ADAMTS6: variants seen among roughly 807,000 people sequenced by gnomAD.
ADAMTS6 encodes the protein A disintegrin and metalloproteinase with thrombospondin motifs 6.
A neutral mutation model predicts 144.3 loss-of-function variants in ADAMTS6; 23 were observed. That is an observed-to-expected ratio of 0.16 (90% confidence interval 0.11 to 0.23). The LOEUF is 0.23. Among genes scored for constraint, ADAMTS6 ranks in the 10% least tolerant of loss-of-function variants. ADAMTS6 has a pLI of 1.00. For synonymous variants in ADAMTS6, 444 were observed against 457.5 expected (o/e 0.97, Z 0.38); for missense variants, 999 against 1,379.6 (o/e 0.72, Z 4.37).
chr5:65,452,193 G>A lies in ADAMTS6; in HGVS notation c.867C>T (p.Ser289=). The change falls in exon 6 of 25, where the codon TCC becomes TCT. Residue 289 remains serine, a synonymous_variant. Coordinates refer to ENST00000381055, the MANE Select transcript of ADAMTS6 (RefSeq NM_197941.4). ...TAATATTCACAACGTTTCCTAGGCT[G>A]GAATCACGGTAAAGTTTGGCAACCT... ...MNIVAKLYRD[S]SLGNVVNIIV... 1 of 1,612,662 alleles carries A rather than the reference G, an allele frequency of 6.2e-7. No individual in the cohort carries two copies. Among genetic ancestry groups the A allele is most frequent in the Non-Finnish European group, 8.5e-7 (1 of 1,179,208 alleles).
intron 14 of ADAMTS6, among the ~76,000 whole-genome samples, chr5:65,256,745 C>T (rs191428030): frequency 5.9e-5 from 9 of 152,120 alleles, no homozygotes; most frequent in East Asian, 5.8e-4. Flanking sequence ...TCTAAATGTA[C>T]GCCCAACCCT....
intron 20 of ADAMTS6, among the ~76,000 whole-genome samples, chr5:65,202,114 C>T (rs955610626): frequency 5.9e-5 from 9 of 152,298 alleles, no homozygotes; most frequent in Non-Finnish European, 1.3e-4. Flanking sequence ...CAATCAACTC[C>T]ACTCATATGG....
At position 65,409,873 on chromosome 5, in the gene ADAMTS6, A is replaced by G. The variant is rs1030825303; in HGVS notation, c.1073+41602T>C. On this transcript the variant is annotated intron_variant, in intron 7 of 24. Transcript: ENST00000381055. The stretch of plus-strand genomic sequence containing the variant: ...CAAATCAATAAACGTAATCCATCAT[A>G]TAAACAGAACCAAAGACAAAAACTA... Among the ~76,000 whole-genome samples the G allele has an allele frequency of 2.6e-5, 4 of 152,370 alleles. No individual in the cohort carries two copies. The South Asian group carries it at 6.2e-4, about 24-fold the overall frequency.
chr5:65,372,799 T>G lies in ADAMTS6; in HGVS notation c.1074-38714A>C, dbSNP rs1393714298. 9.2e-5 allele frequency among the ~76,000 whole-genome samples: 14 copies of G among 152,316 alleles called. No individual in the cohort carries two copies. The East Asian group carries it at 1.2e-3, about 13-fold the overall frequency. Reference sequence around the variant, plus strand: ...AACTCTCCACCCCAAATCAACAGAATATACATTTTTCTTAGCACCACACCA... The same window carrying G: ...AACTCTCCACCCCAAATCAACAGAAGATACATTTTTCTTAGCACCACACCA... On this transcript the variant is annotated intron_variant, in intron 7 of 24. Transcript: ENST00000381055.
chr5:65,202,985 T>C (rs1342240770), intron 20 of ADAMTS6, among the ~76,000 whole-genome samples: 1 of 152,190 alleles, frequency 6.6e-6, no homozygotes, highest in Non-Finnish European at 1.5e-5. Context: ...ATTTCAATTG[T>C]TCAACATTTT....
At chr5:65,184,057 T>C (rs1012916939) in intron 22 of ADAMTS6, among the ~76,000 whole-genome samples, 1 of 152,322 alleles carries the variant, frequency 6.6e-6, no homozygotes, top group East Asian at 1.9e-4. Context: ...TAAATGCCTA[T>C]TTTTTCCTCT....
rs563426482 is a variant in ADAMTS6, at chr5:65,227,010, T to C, written c.1934-791A>G. Among the ~76,000 whole-genome samples the C allele has an allele frequency of 7.2e-5, 11 of 152,360 alleles. No individual in the cohort carries two copies. The East Asian group carries it at 1.3e-3, about 19-fold the overall frequency. Reference sequence around the variant, plus strand: ...GCCACATCAAGCAAGGATATGGTAGTTATAAAATAAAACTAAATTTGTACC... The same window carrying C: ...GCCACATCAAGCAAGGATATGGTAGCTATAAAATAAAACTAAATTTGTACC... On this transcript the variant is annotated intron_variant, in intron 15 of 24. Transcript: ENST00000381055.
intron 7 of ADAMTS6, 90 bp downstream of exon 7, chr5:65,451,385 T>C: frequency 6.9e-7 from 1 of 1,454,800 alleles, no homozygotes; most frequent in Non-Finnish European, 9.4e-7. Context: ...CTATACTCAT[T>C]ATCTGAATGA....
At chr5:65,251,087 T>C (rs1760119154) in intron 14 of ADAMTS6, 2 of 152,190 alleles carry the variant, frequency 1.3e-5, no homozygotes, top group South Asian at 4.1e-4. Flanking sequence ...TAGTCAGTGT[T>C]CTTTAGGCCA....
chr5:65,324,570 A>G (rs1745983041), intron 9 of ADAMTS6, among the ~76,000 whole-genome samples: 1 of 148,976 alleles, frequency 6.7e-6, no homozygotes, highest in Non-Finnish European at 1.5e-5. Flanking sequence ...ATAAATATAT[A>G]TGCTACATGT....
intron 14 of ADAMTS6, among the ~76,000 whole-genome samples, chr5:65,245,143 TTAA>T (rs1433647242): frequency 6.6e-6 from 1 of 152,148 alleles, no homozygotes; most frequent in African/African-American, 2.4e-5. Flanking sequence ...AAGGTAGCAC[TTAA>T]TAATTATTAG....
At chr5:65,176,662 A>G (rs1183830378) in intron 22 of ADAMTS6, among the ~76,000 whole-genome samples, 1 of 152,246 alleles carries the variant, frequency 6.6e-6, no homozygotes, top group Non-Finnish European at 1.5e-5. Flanking sequence ...AAAAGAGTCT[A>G]TAAAAATCTT....
At chr5:65,287,819 C>T (rs945728197) in intron 11 of ADAMTS6, among the ~76,000 whole-genome samples, 3 of 152,102 alleles carry the variant, frequency 2.0e-5, no homozygotes, top group Non-Finnish European at 4.4e-5. Context: ...CGTGAGCCAC[C>T]GTGCCTGGCC....
Position 65,329,418 on chromosome 5 carries a change from G to C in ADAMTS6, c.1183C>G (p.Leu395Val). Residue 395 changes from leucine (L) to valine (V), a missense_variant, in exon 9 of 25, where the codon CTG (leucine) becomes GTG (valine). By Grantham distance (32) the Leu-to-Val change is conservative (BLOSUM62 1). Transcript: ENST00000381055. ...TGTGCAATGGTAAAAGCTGAACCCA[G>C]GCCAATGTCTTCATTAATGCTGCAG... ...RSCSINEDIGLGSAFTIAHEI... is the reference protein window; with the variant it reads ...RSCSINEDIGVGSAFTIAHEI... The C allele has an allele frequency of 6.2e-7, 1 of 1,612,850 alleles. No individual in the cohort carries two copies. Among genetic ancestry groups the C allele is most frequent in the Non-Finnish European group, 8.5e-7 (1 of 1,179,314 alleles).
At chr5:65,414,759 GA>G (rs1473639610) in intron 7 of ADAMTS6, among the ~76,000 whole-genome samples, 1 of 152,126 alleles carries the variant, frequency 6.6e-6, no homozygotes, top group Non-Finnish European at 1.5e-5. Flanking sequence ...GACAAATTGT[GA>G]AAATGTGTTT....
chr5:65,260,090 G>A (rs1648634978), intron 14 of ADAMTS6, among the ~76,000 whole-genome samples: 2 of 152,058 alleles, frequency 1.3e-5, no homozygotes, highest in African/African-American at 4.8e-5. Flanking sequence ...TGAAAGGAAG[G>A]AAAATTCAGA....
intron 14 of ADAMTS6, among the ~76,000 whole-genome samples, chr5:65,247,848 C>T (rs560707518): frequency 1.3e-5 from 2 of 152,234 alleles, no homozygotes; most frequent in East Asian, 1.9e-4. Flanking sequence ...TTCACTCTTG[C>T]GTCATCCCTG....
intron 7 of ADAMTS6, among the ~76,000 whole-genome samples, chr5:65,364,158 T>C (rs1339429226): frequency 6.6e-6 from 1 of 152,164 alleles, no homozygotes; most frequent in East Asian, 1.9e-4. Flanking sequence ...AAAACTACCC[T>C]CAATTTGACT....
intron 9 of ADAMTS6, among the ~76,000 whole-genome samples, chr5:65,324,732 C>T (rs1746002754): frequency 6.6e-6 from 1 of 151,972 alleles, no homozygotes; most frequent in South Asian, 2.1e-4. Flanking sequence ...AGGATTTGAA[C>T]AGACACTTCA....
Sources: allele counts gnomAD v4.1 joint callset (sites outside exome capture counted in the v4.1 genomes callset), GRCh38; gene constraint gnomAD v4.1.1; transcripts MANE v1.5; gene names NCBI Gene and HGNC (gene_info 2026-07-23, HGNC 2026-07-21).